The following IGF1 variants were observed in gnomAD, a reference collection of about 807,000 sequenced individuals.
The protein encoded by IGF1 is insulin-like growth factor 1.
Under a neutral mutation model 13.8 loss-of-function variants are expected in IGF1, and 4 were observed. That is an observed-to-expected ratio of 0.29 (90% confidence interval 0.14 to 0.66). The LOEUF (loss-of-function observed/expected upper bound fraction) is 0.66, where lower values mean the gene tolerates loss of function less well. IGF1 is among the 30% of genes least tolerant of loss of function. IGF1 has a pLI of 0.78. For synonymous variants in IGF1, 76 were observed against 72.6 expected (o/e 1.05, Z -0.23); for missense variants, 124 against 188.5 (o/e 0.66, Z 2.00).
At chr12:102,424,286 C>A (rs1592759775) in intron 2 of IGF1, among the ~76,000 whole-genome samples, 1 of 148,700 alleles carries the variant, frequency 6.7e-6, no homozygotes, top group African/African-American at 2.5e-5. Flanking sequence ...AGACAATTAA[C>A]CTGGATTTTA....
chr12:102,452,550 C>A (rs1376000248), intron 2 of IGF1, among the ~76,000 whole-genome samples: 3 of 152,158 alleles, frequency 2.0e-5, no homozygotes, highest in Non-Finnish European at 4.4e-5. Flanking sequence ...AACACTCAAT[C>A]TGTGTTAGGG....
At chr12:102,445,845 C>A (rs1878271601) in intron 2 of IGF1, among the ~76,000 whole-genome samples, 1 of 152,146 alleles carries the variant, frequency 6.6e-6, no homozygotes, top group South Asian at 2.1e-4. Context: ...CTTTTGCCCA[C>A]TCAGTATGAT....
chr12:102,428,119 G>T, intron 2 of IGF1, among the ~76,000 whole-genome samples: 1 of 151,212 alleles, frequency 6.6e-6, no homozygotes, highest in Middle Eastern at 3.2e-3. Flanking sequence ...AATTCTCTGA[G>T]ATTCAGTTTC....
chr12:102,425,270 T>C (rs1176091936), intron 2 of IGF1, among the ~76,000 whole-genome samples: 3 of 152,228 alleles, frequency 2.0e-5, no homozygotes, highest in African/African-American at 4.8e-5. Flanking sequence ...TGTTCTCTTT[T>C]CTATGAACTG....
At chr12:102,438,400 G>C (rs1421241268) in intron 2 of IGF1, among the ~76,000 whole-genome samples, 1 of 152,140 alleles carries the variant, frequency 6.6e-6, no homozygotes, top group African/African-American at 2.4e-5. Context: ...AAGAAGTTCC[G>C]TGCAAAAAGC....
intron 2 of IGF1, among the ~76,000 whole-genome samples, chr12:102,461,312 G>A (rs1480745383): frequency 1.3e-5 from 2 of 152,074 alleles, no homozygotes; most frequent in African/African-American, 2.4e-5. Context: ...AATGACCCTC[G>A]TAAAGACCCG....
intron 1 of IGF1, chr12:102,478,573 A>C: frequency 6.3e-7 from 1 of 1,587,022 alleles, no homozygotes; most frequent in Admixed American, 1.8e-5. Flanking sequence ...AGAAAACTGA[A>C]GTCTTAAAAA....
intron 2 of IGF1, among the ~76,000 whole-genome samples, chr12:102,462,379 A>G (rs1320979427): frequency 2.0e-5 from 3 of 152,216 alleles, no homozygotes; most frequent in African/African-American, 7.2e-5. Context: ...GAAACCAATC[A>G]TCCACTGAAT....
chr12:102,435,455 T>C (rs949531659), intron 2 of IGF1, among the ~76,000 whole-genome samples: 3 of 152,226 alleles, frequency 2.0e-5, no homozygotes, highest in African/African-American at 7.2e-5. Context: ...CCATAATGTG[T>C]ATTGGCATCA....
chr12:102,463,208 A>T (rs1880061913), intron 2 of IGF1: 1 of 152,236 alleles, frequency 6.6e-6, no homozygotes, highest in African/African-American at 2.4e-5. Flanking sequence ...ATCCATTTTC[A>T]GTAGCTTTGC....
At chr12:102,426,955 T>A (rs1374383034) in intron 2 of IGF1, among the ~76,000 whole-genome samples, 2 of 152,190 alleles carry the variant, frequency 1.3e-5, no homozygotes, top group African/African-American at 2.4e-5. Flanking sequence ...GAGCAAGGCT[T>A]ATGCCACTGT....
rs114410818 is a variant in IGF1 at position 102,466,230 on chromosome 12, A to G, written c.220+9413T>C. Reference sequence around the variant, plus strand: ...CTCTTCTCATGGCTTGCTCCAGGCAATGGACCATAGGCTCTGGATTAAACA... The same window carrying G: ...CTCTTCTCATGGCTTGCTCCAGGCAGTGGACCATAGGCTCTGGATTAAACA... On this transcript the variant is annotated intron_variant, in intron 2 of 3. Transcript: ENST00000337514. 4.4e-3 allele frequency among the ~76,000 whole-genome samples: 672 copies of G among 152,330 alleles called. 8 individuals carry two copies. The highest frequency in any genetic ancestry group is 0.015 in the African/African-American group (632 of 41,572).
At chr12:102,469,172 C>T (rs889143712) in intron 2 of IGF1, among the ~76,000 whole-genome samples, 1 of 152,176 alleles carries the variant, frequency 6.6e-6, no homozygotes, top group Non-Finnish European at 1.5e-5. Context: ...GCTCCCACAT[C>T]TCCTTTATTT....
intron 2 of IGF1, among the ~76,000 whole-genome samples, chr12:102,430,431 G>T (rs1055705499): frequency 8.5e-5 from 13 of 152,078 alleles, no homozygotes; most frequent in Non-Finnish European, 1.5e-5. Context: ...TAACCTTTAG[G>T]CTGACGAATG....
At chr12:102,427,892 G>A (rs980874121) in intron 2 of IGF1, among the ~76,000 whole-genome samples, 4 of 152,064 alleles carry the variant, frequency 2.6e-5, no homozygotes, top group African/African-American at 4.8e-5. Context: ...TAACTGCATG[G>A]TGCAGACTTG....
intron 3 of IGF1, among the ~76,000 whole-genome samples, chr12:102,410,483 CTA>C (rs1164753956): frequency 2.0e-5 from 3 of 152,190 alleles, no homozygotes; most frequent in Non-Finnish European, 4.4e-5. Context: ...AATTTTGCTG[CTA>C]TGTGCTAAAG....
chr12:102,418,201 G>A (rs1376138979), intron 3 of IGF1, among the ~76,000 whole-genome samples: 1 of 152,200 alleles, frequency 6.6e-6, no homozygotes, highest in Admixed American at 6.5e-5. Flanking sequence ...TCCCCAGTTA[G>A]AAACCAAGAG....
rs1873370206 is a variant in IGF1 at position 102,398,091 on chromosome 12, A to AC, written c.*4415_*4416insG. ...TTCATAAAGACTGTATAAAGTAAAA[A>AC]AAAAAAAAAAACAAAAACAAGAAAC... On this transcript the variant is annotated 3_prime_UTR_variant, in exon 4 of 4. Transcript: ENST00000337514. The AC allele has an allele frequency of 6.6e-6, 1 of 151,844 alleles. No homozygotes were observed. The highest frequency in any genetic ancestry group is 6.6e-5 in the Admixed American group (1 of 15,188). The allele number at this position is 151,844 out of a possible 1,614,324, so 9.4% of individuals were successfully genotyped here. A position where few individuals can be genotyped will look rare whatever the true frequency, so the allele number is the denominator to read the frequency against.
intron 3 of IGF1, among the ~76,000 whole-genome samples, chr12:102,405,979 A>G (rs886931043): frequency 6.6e-6 from 1 of 152,214 alleles, no homozygotes; most frequent in African/African-American, 2.4e-5. Flanking sequence ...GTCTGAGCGG[A>G]GGGATTCCCT....
Sources: gnomAD v4.1 joint callset for allele counts (sites outside exome capture counted in the v4.1 genomes callset) on GRCh38, gnomAD v4.1.1 for gene constraint, MANE v1.5 for transcripts, NCBI Gene and HGNC (gene_info 2026-07-23, HGNC 2026-07-21) for gene names.